WDPCP: variants seen among roughly 807,000 people sequenced by gnomAD.
WDPCP encodes the protein WD repeat-containing and planar cell polarity effector protein fritz homolog.
A neutral mutation model predicts 93.1 loss-of-function variants in WDPCP; 71 were observed. The ratio of observed to expected loss-of-function variants is 0.76; its 90% CI spans 0.63 to 0.93. WDPCP has a LOEUF of 0.93. Ranked by LOEUF, WDPCP falls within the 40% of genes least tolerant of loss-of-function variation. The pLI is 0.00. For synonymous variants in WDPCP, 315 were observed against 315.0 expected (o/e 1.00, Z 0.00); for missense variants, 844 against 887.4 (o/e 0.95, Z 0.62).
chr2:63,313,189 A>G (rs1517403), intron 13 of WDPCP, 59 bp downstream of exon 13: 289,468 of 1,514,976 alleles, frequency 0.19, 30,219 homozygotes, highest in Non-Finnish European at 0.21. Context: ...TATGGTCACA[A>G]AAGCTGACAA....
intron 13 of WDPCP, among the ~76,000 whole-genome samples, chr2:63,280,738 C>T (rs1406121376): frequency 2.0e-5 from 3 of 152,102 alleles, no homozygotes; most frequent in Admixed American, 6.6e-5. Flanking sequence ...AAAGGACACC[C>T]GTTTCAATAA....
At chr2:63,839,510 A>G in the WDPCP span, among the ~76,000 whole-genome samples, 3 of 152,252 alleles carry the variant, frequency 2.0e-5, no homozygotes, top group Non-Finnish European at 4.4e-5. Flanking sequence ...GTGAGCCTAG[A>G]CTGTGCCATT....
exon 1 of WDPCP, chr2:63,827,681 T>C (rs747302817): frequency 1.8e-4 from 28 of 152,208 alleles, no homozygotes; most frequent in Admixed American, 1.8e-3. Flanking sequence ...GGTTCAAACC[T>C]TGTAATCAAA....
At chr2:63,540,583 TTTTATA>T (rs1704632230) in intron 1 of WDPCP, among the ~76,000 whole-genome samples, 1 of 152,194 alleles carries the variant, frequency 6.6e-6, no homozygotes, top group African/African-American at 2.4e-5. Context: ...TATGAGACTG[TTTTATA>T]TTATATGTGT....
Position 63,368,297 on chromosome 2 carries a change from A to AATTT in WDPCP, c.1748+10085_1748+10088dup, listed in dbSNP as rs201098167. On this transcript the variant is annotated intron_variant, in intron 12 of 17. Coordinates refer to ENST00000272321, the MANE Select transcript of WDPCP (RefSeq NM_015910.7). The stretch of plus-strand genomic sequence containing the variant: ...TTTGAGTTCTACTAAGTTTATTTTT[A>AATTT]ATTTATTTATTTATTTATTTATTTA... Among the ~76,000 whole-genome samples the AATTT allele has an allele frequency of 9.5e-3, 1,400 of 147,072 alleles. 14 individuals are homozygous for AATTT. The highest frequency in any genetic ancestry group is 0.034 in the East Asian group (172 of 4,986).
intron 6 of WDPCP, among the ~76,000 whole-genome samples, chr2:63,466,286 G>A (rs937715230): frequency 6.6e-6 from 1 of 151,838 alleles, no homozygotes; most frequent in African/African-American, 2.4e-5. Context: ...TATCTGCTAA[G>A]TTAATATTTT....
chr2:63,572,730 G>T, intron 1 of WDPCP, among the ~76,000 whole-genome samples: 1 of 62,322 alleles, frequency 1.6e-5, no homozygotes, highest in Non-Finnish European at 3.1e-5. Context: ...AAAAAAAGTT[G>T]GACAGCATAA....
intron 9 of WDPCP, among the ~76,000 whole-genome samples, chr2:63,417,324 T>C (rs934164334): frequency 6.6e-6 from 1 of 152,224 alleles, no homozygotes; most frequent in Non-Finnish European, 1.5e-5. Context: ...ATTTAATTGA[T>C]TTATGAAATT....
chr2:63,375,637 A>G (rs1197852045), intron 12 of WDPCP, among the ~76,000 whole-genome samples: 1 of 151,928 alleles, frequency 6.6e-6, no homozygotes, highest in African/African-American at 2.4e-5. Flanking sequence ...AAGACAAAAA[A>G]GACCAAAAAG....
At chr2:63,685,302 G>A (rs1473352911) in intron 2 of WDPCP, among the ~76,000 whole-genome samples, 1 of 152,128 alleles carries the variant, frequency 6.6e-6, no homozygotes, top group Non-Finnish European at 1.5e-5. Context: ...AAATTCAAAG[G>A]ATTATTAGTG....
chr2:63,812,260 T>C (rs1229304454), intron 2 of WDPCP, among the ~76,000 whole-genome samples: 1 of 152,198 alleles, frequency 6.6e-6, no homozygotes. Flanking sequence ...GTTCTTTTTT[T>C]ATGGCACCGT....
chr2:63,605,013 A>G (rs553148057), intron 3 of WDPCP: 14 of 800,356 alleles, frequency 1.7e-5, no homozygotes, highest in African/African-American at 1.6e-4. Context: ...TAAGCCAGTC[A>G]TGATCTAGTG....
intron 12 of WDPCP, among the ~76,000 whole-genome samples, chr2:63,330,021 C>G (rs956315997): frequency 2.0e-5 from 3 of 152,156 alleles, no homozygotes; most frequent in Non-Finnish European, 4.4e-5. Context: ...TTCCGTATCT[C>G]AACTGTTGTG....
At chr2:63,757,955 A>G (rs956022226) in intron 2 of WDPCP, among the ~76,000 whole-genome samples, 8 of 152,226 alleles carry the variant, frequency 5.3e-5, no homozygotes, top group Non-Finnish European at 8.8e-5. Flanking sequence ...CCTCTGTGAT[A>G]TGAAAGTTGT....
intron 12 of WDPCP, among the ~76,000 whole-genome samples, chr2:63,335,637 C>T (rs1237111657): frequency 1.3e-5 from 2 of 152,048 alleles, no homozygotes; most frequent in Non-Finnish European, 2.9e-5. Flanking sequence ...TAGAAAAATG[C>T]TACTGTTTTT....
chr2:63,541,977 CAT>C (rs1313910020), intron 1 of WDPCP, among the ~76,000 whole-genome samples: 2 of 152,000 alleles, frequency 1.3e-5, no homozygotes, highest in Non-Finnish European at 2.9e-5. Flanking sequence ...TATATGTACA[CAT>C]ATATGTTTAT....
At chr2:63,746,531 C>T (rs1220405927) in intron 2 of WDPCP, among the ~76,000 whole-genome samples, 2 of 152,094 alleles carry the variant, frequency 1.3e-5, no homozygotes, top group Admixed American at 6.6e-5. Flanking sequence ...AGAGAAATAT[C>T]GCTGAATTCT....
chr2:63,837,691 G>C, the WDPCP span, among the ~76,000 whole-genome samples: 1 of 152,168 alleles, frequency 6.6e-6, no homozygotes, highest in Admixed American at 6.5e-5. Flanking sequence ...AGTCATCAGG[G>C]CATTTGCTGC....
chr2:63,143,694 A>G (rs891850519), intron 17 of WDPCP, among the ~76,000 whole-genome samples: 14 of 152,166 alleles, frequency 9.2e-5, no homozygotes, highest in Non-Finnish European at 2.1e-4. Flanking sequence ...TGCTTCATAC[A>G]TGATGCTTAC....
Sources: gnomAD v4.1 joint callset for allele counts (sites outside exome capture counted in the v4.1 genomes callset) on GRCh38, gnomAD v4.1.1 for gene constraint, MANE v1.5 for transcripts, NCBI Gene and HGNC (gene_info 2026-07-23, HGNC 2026-07-21) for gene names.